The following FYN variants were observed in gnomAD, a reference collection of about 807,000 sequenced individuals.
The protein encoded by FYN is FYN proto-oncogene, Src family tyrosine kinase, also known as tyrosine-protein kinase Fyn.
Under a neutral mutation model 70.2 loss-of-function variants are expected in FYN, and 10 were observed. The ratio of observed to expected loss-of-function variants is 0.14; its 90% CI spans 0.09 to 0.24. The LOEUF is 0.24. FYN is among the 10% of genes least tolerant of loss of function. The pLI, the probability that FYN is intolerant of heterozygous loss-of-function variation, is 1.00. For missense variants in FYN, 319 were observed against 673.1 expected, an observed-to-expected ratio of 0.47 and a Z score of 5.82; for synonymous variants, 236 against 248.6, an observed-to-expected ratio of 0.95 and a Z score of 0.48.
intron 13 of FYN, among the ~76,000 whole-genome samples, chr6:111,667,246 A>G (rs954408616): frequency 2.6e-5 from 4 of 151,964 alleles, no homozygotes; most frequent in Non-Finnish European, 1.5e-5. Context: ...CTTTGAAAAA[A>G]AATTTTTTAA....
intron 9 of FYN, among the ~76,000 whole-genome samples, chr6:111,698,187 GCAA>G (rs1799660439): frequency 6.6e-6 from 1 of 151,924 alleles, no homozygotes; most frequent in African/African-American, 2.4e-5. Context: ...GTGCAATGGT[GCAA>G]TGGTGCGATC....
intron 8 of FYN, among the ~76,000 whole-genome samples, chr6:111,701,097 T>C (rs1799813383): frequency 6.6e-6 from 1 of 152,206 alleles, no homozygotes. Context: ...AAAGAATGTA[T>C]TCTTTATAAA....
intron 1 of FYN, among the ~76,000 whole-genome samples, chr6:111,861,691 C>T (rs773798494): frequency 9.2e-5 from 14 of 152,172 alleles, no homozygotes; most frequent in Non-Finnish European, 1.8e-4. Flanking sequence ...GGAATCACAG[C>T]GAGCTCTCAC....
chr6:111,826,252 T>C (rs62413712), intron 2 of FYN, among the ~76,000 whole-genome samples: 5,052 of 152,248 alleles, frequency 0.033, 113 homozygotes, highest in Non-Finnish European at 0.056. Context: ...TATGGCACAC[T>C]AGTTGGCCTT....
At chr6:111,756,156 A>G (rs1802723133) in intron 3 of FYN, among the ~76,000 whole-genome samples, 1 of 152,140 alleles carries the variant, frequency 6.6e-6, no homozygotes, top group South Asian at 2.1e-4. Context: ...AATGAATGAG[A>G]GAACATAACT....
chr6:111,674,967 C>T (rs191216462), intron 12 of FYN, among the ~76,000 whole-genome samples: 2 of 152,108 alleles, frequency 1.3e-5, no homozygotes, highest in African/African-American at 2.4e-5. Flanking sequence ...TAATGCTGCT[C>T]TCATGAGTCC....
intron 2 of FYN, among the ~76,000 whole-genome samples, chr6:111,810,942 G>A (rs112414355): frequency 1.3e-5 from 2 of 152,192 alleles, no homozygotes. Flanking sequence ...TTTCTACAAT[G>A]CATCCGTTGT....
At chr6:111,741,734 T>A (rs1446454484) in intron 3 of FYN, among the ~76,000 whole-genome samples, 1 of 152,180 alleles carries the variant, frequency 6.6e-6, no homozygotes, top group East Asian at 1.9e-4. Flanking sequence ...TCCAGTGTAT[T>A]TTTCACTACA....
At chr6:111,821,297 T>C (rs887707855) in intron 2 of FYN, among the ~76,000 whole-genome samples, 12 of 152,076 alleles carry the variant, frequency 7.9e-5, no homozygotes, top group African/African-American at 2.2e-4. Context: ...TATAGACCAA[T>C]GGAACACAAC....
intron 12 of FYN, among the ~76,000 whole-genome samples, chr6:111,677,110 G>C (rs1798561334): frequency 6.6e-6 from 1 of 152,150 alleles, no homozygotes; most frequent in African/African-American, 2.4e-5. Flanking sequence ...ACTTAAATTT[G>C]TTTTGTATTA....
At chr6:111,706,372 T>C (rs1440934632) in intron 6 of FYN, among the ~76,000 whole-genome samples, 1 of 152,252 alleles carries the variant, frequency 6.6e-6, no homozygotes, top group Admixed American at 6.5e-5. Flanking sequence ...ATAGGTATCA[T>C]GAGTTCACTG....
intron 3 of FYN, among the ~76,000 whole-genome samples, chr6:111,732,654 A>G (rs1307241277): frequency 1.3e-4 from 20 of 152,214 alleles, no homozygotes; most frequent in Admixed American, 1.3e-3. Context: ...GTGTGGCCAG[A>G]TCACTTAATT....
intron 3 of FYN, among the ~76,000 whole-genome samples, chr6:111,775,090 A>G (rs1434561723): frequency 6.6e-6 from 1 of 152,210 alleles, no homozygotes; most frequent in Non-Finnish European, 1.5e-5. Context: ...GCCTGCCATC[A>G]GAGGAAAGGC....
chr6:111,793,340 G>A (rs577507437), intron 2 of FYN, among the ~76,000 whole-genome samples: 8 of 151,942 alleles, frequency 5.3e-5, no homozygotes, highest in Non-Finnish European at 1.0e-4. Context: ...GTGAAGTTTC[G>A]GATATTCAAG....
intron 9 of FYN, among the ~76,000 whole-genome samples, chr6:111,699,079 C>A (rs1799710333): frequency 1.3e-5 from 2 of 152,162 alleles, no homozygotes; most frequent in Non-Finnish European, 2.9e-5. Flanking sequence ...AAGACTCCGT[C>A]TCAACAACAA....
chr6:111,680,511 G>A (rs577743092), intron 12 of FYN, among the ~76,000 whole-genome samples: 3 of 152,314 alleles, frequency 2.0e-5, no homozygotes, highest in East Asian at 1.9e-4. Context: ...TTCCCACGTC[G>A]TTCTTTCCCC....
rs190593669 is a variant in FYN at position 111,853,767 on chromosome 6, C to T, written c.-122-7138G>A. Reference sequence around the variant, plus strand: ...CTGGGTAGCTAGGACTACAGAAGTGCTTCATCATGACAGGCTAATTTTCAA... The same window carrying T: ...CTGGGTAGCTAGGACTACAGAAGTGTTTCATCATGACAGGCTAATTTTCAA... On this transcript the variant is annotated intron_variant, in intron 1 of 13. Transcript: ENST00000354650. Among the ~76,000 whole-genome samples the T allele has an allele frequency of 2.4e-3, 364 of 152,294 alleles. 1 individual carries two copies. Among genetic ancestry groups the T allele is most frequent in the African/African-American group, 8.2e-3 (341 of 41,576 alleles).
At chr6:111,725,247 T>C (rs1801141590) in intron 3 of FYN, among the ~76,000 whole-genome samples, 1 of 152,102 alleles carries the variant, frequency 6.6e-6, no homozygotes. Flanking sequence ...CTTCTTTAGT[T>C]TTCCCCTGTC....
chr6:111,792,568 G>A (rs1348078268), intron 2 of FYN, among the ~76,000 whole-genome samples: 1 of 152,146 alleles, frequency 6.6e-6, no homozygotes, highest in African/African-American at 2.4e-5. Context: ...AACTCAAAAG[G>A]CCACTTACAA....
Sources: allele counts gnomAD v4.1 joint callset (sites outside exome capture counted in the v4.1 genomes callset), GRCh38; gene constraint gnomAD v4.1.1; transcripts MANE v1.5; gene names NCBI Gene and HGNC (gene_info 2026-07-23, HGNC 2026-07-21).